The following PDE10A variants were observed in gnomAD, a reference collection of about 807,000 sequenced individuals.
PDE10A encodes phosphodiesterase 10A.
Under a neutral mutation model 97.7 loss-of-function variants are expected in PDE10A, and 39 were observed. The ratio of observed to expected loss-of-function variants is 0.40; its 90% confidence interval spans 0.31 to 0.52. The LOEUF is 0.52. Ranked by LOEUF, PDE10A falls within the 20% of genes least tolerant of loss-of-function variation. The pLI is 0.56. For missense variants in PDE10A, 731 were observed against 1,047.8 expected (o/e 0.70, Z 4.17); for synonymous variants, 371 against 376.8 (o/e 0.98, Z 0.18).
chr6:165,551,867 C>A (rs1003622456), intron 1 of PDE10A, among the ~76,000 whole-genome samples: 1 of 152,128 alleles, frequency 6.6e-6, no homozygotes, highest in Admixed American at 6.5e-5. Context: ...CAAGACTAAT[C>A]GGAAAATAAG....
At chr6:165,538,352 A>G (rs1004996576) in intron 2 of PDE10A, among the ~76,000 whole-genome samples, 3 of 152,166 alleles carry the variant, frequency 2.0e-5, no homozygotes, top group African/African-American at 7.2e-5. Context: ...TGATAGTGAT[A>G]CGGTCGGCTA....
intron 15 of PDE10A, among the ~76,000 whole-genome samples, chr6:165,393,689 T>A (rs1785902181): frequency 6.6e-6 from 1 of 152,188 alleles, no homozygotes; most frequent in Non-Finnish European, 1.5e-5. Context: ...TTTGAAACAC[T>A]AATTTACAAA....
rs146293013 is a variant in PDE10A, at chr6:165,961,326, A to C, written c.-615+26203T>G. On this transcript the variant is annotated intron_variant, in intron 1 of 19. Transcript: ENST00000366882. ...GCCGGGCAACTTCAAGCAAGTCGTTAACCTTTCTTCTCTATAGAGTGGGAT... is the reference window on the plus strand; with the variant it reads ...GCCGGGCAACTTCAAGCAAGTCGTTCACCTTTCTTCTCTATAGAGTGGGAT... Among the ~76,000 whole-genome samples the C allele has an allele frequency of 5.9e-5, 9 of 152,296 alleles. No individual in the cohort carries two copies. The East Asian group carries it at 1.7e-3, about 29-fold the overall frequency.
At chr6:165,905,408 G>A (rs374482782) in intron 1 of PDE10A, among the ~76,000 whole-genome samples, 15 of 152,002 alleles carry the variant, frequency 9.9e-5, no homozygotes, top group Non-Finnish European at 1.3e-4. Context: ...TAAAAATCTC[G>A]ATCTTTTATA....
chr6:165,784,436 C>T (rs1778440913), intron 1 of PDE10A, among the ~76,000 whole-genome samples: 1 of 151,992 alleles, frequency 6.6e-6, no homozygotes, highest in African/African-American at 2.4e-5. Context: ...CTTAGGACAA[C>T]TGAAGAAATT....
chr6:165,984,409 CT>C (rs1785118183), intron 1 of PDE10A, among the ~76,000 whole-genome samples: 1 of 152,154 alleles, frequency 6.6e-6, no homozygotes, highest in African/African-American at 2.4e-5. Flanking sequence ...ATTCTTATTT[CT>C]TTTCATAGCT....
chr6:165,480,974 A>G (rs545520348), intron 3 of PDE10A, among the ~76,000 whole-genome samples: 1 of 152,344 alleles, frequency 6.6e-6, no homozygotes, highest in South Asian at 2.1e-4. Context: ...CAAATTTGGC[A>G]TAATGTAAGA....
At position 165,928,033 on chromosome 6, in the gene PDE10A, A is replaced by G. The variant is rs1413575390; in HGVS notation, c.-615+59496T>C. 4.6e-5 allele frequency among the ~76,000 whole-genome samples: 7 copies of G among 150,606 alleles called. No individual in the cohort carries two copies. The East Asian group carries it at 1.4e-3, about 29-fold the overall frequency. ...AAATTTTTAAATTATGTTCTTTTAT[A>G]TATAATTTAATATGTACTATTTATA... On this transcript the variant is annotated intron_variant, in intron 1 of 19. Coordinates refer to the PDE10A transcript ENST00000366882.
intron 3 of PDE10A, among the ~76,000 whole-genome samples, chr6:165,465,842 G>A (rs566091005): frequency 1.3e-5 from 2 of 152,284 alleles, no homozygotes; most frequent in East Asian, 1.9e-4. Flanking sequence ...TTTGGGTGGG[G>A]ACACAAAGCC....
In PDE10A at chr6:165,943,278, A is replaced by AAGGAAGGAAG. The variant is rs1562809978; in HGVS notation, c.-615+44250_-615+44251insCTTCCTTCCT. ...AGGAAGGAAGGAAGGAAGGAAGGAA[A>AAGGAAGGAAG]GAAAGAAAGAAAGAAGGAAAGAAAG... On this transcript the variant is annotated intron_variant, in intron 1 of 19. Coordinates refer to the PDE10A transcript ENST00000366882. Among the ~76,000 whole-genome samples, 11 of 129,408 alleles carry AAGGAAGGAAG rather than the reference A, an allele frequency of 8.5e-5. 3 individuals carry two copies. Among genetic ancestry groups the AAGGAAGGAAG allele is most frequent in the African/African-American group, 2.9e-4 (9 of 31,226 alleles). 84.9% of individuals were successfully genotyped at this position (129,408 alleles called of 152,430 possible). A position where few individuals can be genotyped will look rare whatever the true frequency, so the allele number is the denominator to read the frequency against.
At chr6:165,474,048 C>T (rs780825216) in intron 3 of PDE10A, among the ~76,000 whole-genome samples, 24 of 152,256 alleles carry the variant, frequency 1.6e-4, no homozygotes, top group East Asian at 7.7e-4. Context: ...TCAGACGTTG[C>T]CAAAGTTTCA....
chr6:165,791,753 G>A (rs1164100932), intron 1 of PDE10A, among the ~76,000 whole-genome samples: 1 of 152,192 alleles, frequency 6.6e-6, no homozygotes, highest in South Asian at 2.1e-4. Context: ...TCAGCTTGAC[G>A]TTCCTTTCCC....
chr6:165,534,229 C>G (rs531240805), intron 2 of PDE10A, among the ~76,000 whole-genome samples: 40 of 150,776 alleles, frequency 2.7e-4, no homozygotes, highest in Admixed American at 1.1e-3. Context: ...TAACCTGACA[C>G]GACTGTACCA....
chr6:165,957,765 G>A (rs1316970251), intron 1 of PDE10A, among the ~76,000 whole-genome samples: 1 of 152,166 alleles, frequency 6.6e-6, no homozygotes, highest in East Asian at 1.9e-4. Flanking sequence ...TAAAATATTT[G>A]GAAGGAGGCA....
chr6:165,935,270 A>G (rs766016602), intron 1 of PDE10A, among the ~76,000 whole-genome samples: 32 of 152,204 alleles, frequency 2.1e-4, no homozygotes, highest in Non-Finnish European at 4.7e-4. Flanking sequence ...GGAAAGAAAA[A>G]TAGAAGTAGG....
At chr6:165,931,425 G>T (rs751001315) in intron 1 of PDE10A, among the ~76,000 whole-genome samples, 3 of 152,230 alleles carry the variant, frequency 2.0e-5, no homozygotes, top group Non-Finnish European at 2.9e-5. Context: ...AGAGTGAATG[G>T]ACCCTGATAT....
At chr6:165,966,351 A>G (rs1023598684) in intron 1 of PDE10A, among the ~76,000 whole-genome samples, 3 of 152,196 alleles carry the variant, frequency 2.0e-5, no homozygotes, top group Non-Finnish European at 4.4e-5. Context: ...CCCAGTGTGA[A>G]TTCACGTGAC....
Position 165,418,486 on chromosome 6 carries a change from T to C in PDE10A, c.1796+149A>G. 1 of 676,018 alleles carries C rather than the reference T, an allele frequency of 1.5e-6. No individual in the cohort carries two copies. The highest frequency in any genetic ancestry group is 2.4e-6 in the Non-Finnish European group (1 of 410,724). The allele number at this position is 676,018 out of a possible 1,614,324, so 41.9% of individuals were successfully genotyped here. A position where few individuals can be genotyped will look rare whatever the true frequency, so the allele number is the denominator to read the frequency against. On this transcript the variant is annotated intron_variant, in intron 11 of 21. Coordinates refer to ENST00000539869, the MANE Select transcript of PDE10A (RefSeq NM_001385079.1). The surrounding 1 kb of genome is among the most constrained non-coding windows in gnomAD (Gnocchi z 4.8). The stretch of plus-strand genomic sequence containing the variant: ...CTGCCTGCAATGTCATTCCCAGAAG[T>C]ACTACCTTCAGGAGGCGGGTCCTGG...
At chr6:165,460,523 G>A (rs932460671) in intron 3 of PDE10A, among the ~76,000 whole-genome samples, 1 of 152,116 alleles carries the variant, frequency 6.6e-6, no homozygotes, top group Non-Finnish European at 1.5e-5. Flanking sequence ...AACTATTCAG[G>A]GAAAGAAATT....
Sources: allele counts gnomAD v4.1 joint callset (sites outside exome capture counted in the v4.1 genomes callset), GRCh38; gene constraint gnomAD v4.1.1; non-coding constraint Gnocchi (gnomAD v3.1); transcripts MANE v1.5; gene names NCBI Gene and HGNC (gene_info 2026-07-23, HGNC 2026-07-21).